GAS2: variants seen among roughly 807,000 people sequenced by gnomAD.
GAS2 encodes growth arrest specific 2.
GAS2 carries 20 observed loss-of-function variants against 37.5 expected under a neutral mutation model. The observed-to-expected ratio is 0.53, with a 90% confidence interval of 0.37 to 0.77. The LOEUF (loss-of-function observed/expected upper bound fraction) is 0.77, where lower values mean the gene tolerates loss of function less well. GAS2 is among the 30% of genes least tolerant of loss of function. The pLI, the probability that GAS2 is intolerant of heterozygous loss-of-function variation, is 0.00. For synonymous variants in GAS2, 144 were observed against 132.2 expected (o/e 1.09, Z -0.61); for missense variants, 336 against 373.4 (o/e 0.90, Z 0.82).
chr11:22,653,005 T>TTG (rs71445430), intron 1 of GAS2, among the ~76,000 whole-genome samples: 110 of 86,476 alleles, frequency 1.3e-3, no homozygotes, highest in African/African-American at 2.2e-3. Context: ...CTTTCTTTCT[T>TTG]TCTTTCTTTC....
At position 22,696,684 on chromosome 11, in the gene GAS2, T is replaced by C. The variant is rs1200996062; in HGVS notation, c.267+10895T>C. Among the ~76,000 whole-genome samples the C allele has an allele frequency of 1.5e-4, 23 of 150,894 alleles. No individual in the cohort carries two copies. The East Asian group carries it at 4.5e-3, about 29-fold the overall frequency. Reference sequence around the variant, plus strand: ...ATTGTGGTTTTGATTTGCATTTCTCTGATGGCCAGTGATGATGAGCATTTT... The same window carrying C: ...ATTGTGGTTTTGATTTGCATTTCTCCGATGGCCAGTGATGATGAGCATTTT... On this transcript the variant is annotated intron_variant, in intron 3 of 7. Transcript: ENST00000454584.
chr11:22,734,609 A>AT (rs1852653410), intron 4 of GAS2, among the ~76,000 whole-genome samples: 2 of 151,718 alleles, frequency 1.3e-5, no homozygotes, highest in Admixed American at 1.3e-4. Context: ...AAAAGAAAAA[A>AT]ATATAAAACT....
intron 1 of GAS2, among the ~76,000 whole-genome samples, chr11:22,653,050 T>TTTCTTTCTTTCTC: frequency 9.8e-6 from 1 of 102,378 alleles, no homozygotes; most frequent in Non-Finnish European, 2.2e-5. Flanking sequence ...TCTTTCTTTC[T>TTTCTTTCTTTCTC]TTGCTTTCTT....
chr11:22,808,837 T>A (rs1266469277), intron 7 of GAS2, among the ~76,000 whole-genome samples: 1 of 152,228 alleles, frequency 6.6e-6, no homozygotes, highest in Non-Finnish European at 1.5e-5. Context: ...TTTGTCCCAG[T>A]GACTTCAAAT....
At chr11:22,807,722 A>C (rs568372393) in intron 7 of GAS2, among the ~76,000 whole-genome samples, 1 of 152,300 alleles carries the variant, frequency 6.6e-6, no homozygotes, top group South Asian at 2.1e-4. Context: ...TCAGTCCCAA[A>C]TCCATCTCAA....
intron 1 of GAS2, among the ~76,000 whole-genome samples, chr11:22,658,080 C>CAGTG (rs1367698223): frequency 6.6e-6 from 1 of 150,814 alleles, no homozygotes; most frequent in Non-Finnish European, 1.5e-5. Context: ...GCCTGGAGTG[C>CAGTG]AGTGACACGA....
intron 3 of GAS2, among the ~76,000 whole-genome samples, chr11:22,701,432 T>G (rs942097786): frequency 2.0e-5 from 3 of 152,136 alleles, no homozygotes; most frequent in Admixed American, 1.3e-4. Flanking sequence ...AAGGGTGTGA[T>G]TTAAATGAAG....
intron 1 of GAS2, among the ~76,000 whole-genome samples, chr11:22,671,400 G>T (rs1408035103): frequency 2.6e-5 from 4 of 151,944 alleles, no homozygotes; most frequent in African/African-American, 9.7e-5. Context: ...AAAGTGATTG[G>T]CTTTGTTTAA....
chr11:22,769,455 G>A (rs925307404), intron 7 of GAS2, among the ~76,000 whole-genome samples: 9 of 152,234 alleles, frequency 5.9e-5, no homozygotes, highest in Non-Finnish European at 1.3e-4. Flanking sequence ...CCAGTGACAT[G>A]AACAGGCTTT....
At chr11:22,673,420 C>T (rs929966345) in intron 1 of GAS2, among the ~76,000 whole-genome samples, 1 of 152,190 alleles carries the variant, frequency 6.6e-6, no homozygotes, top group Non-Finnish European at 1.5e-5. Flanking sequence ...CTCATGATAT[C>T]ATATAAACAT....
chr11:22,626,498 T>C (rs1858655953), intron 1 of GAS2: 2 of 153,382 alleles, frequency 1.3e-5, no homozygotes, highest in Non-Finnish European at 2.9e-5. Context: ...ATACAAATAA[T>C]CAGCTGAAGG....
At chr11:22,653,387 G>T (rs369933066) in intron 1 of GAS2, among the ~76,000 whole-genome samples, 2 of 152,176 alleles carry the variant, frequency 1.3e-5, no homozygotes, top group South Asian at 2.1e-4. Flanking sequence ...TGTTTGCCAG[G>T]CACCTAGCGC....
At chr11:22,749,007 G>A in intron 5 of GAS2, 113 bp from the exon 6 acceptor site, 1 of 1,081,912 alleles carries the variant, frequency 9.2e-7, no homozygotes, top group Non-Finnish European at 1.3e-6. Flanking sequence ...AAAAGTGAAT[G>A]TTATTTTTAA....
At chr11:22,634,611 G>A (rs946224420) in intron 1 of GAS2, among the ~76,000 whole-genome samples, 1 of 152,118 alleles carries the variant, frequency 6.6e-6, no homozygotes, top group Non-Finnish European at 1.5e-5. Context: ...CTAGGAGGAG[G>A]GATCCCTGAG....
chr11:22,747,892 A>G (rs1853497683), intron 5 of GAS2, among the ~76,000 whole-genome samples: 1 of 152,180 alleles, frequency 6.6e-6, no homozygotes, highest in Non-Finnish European at 1.5e-5. Context: ...ACAAAACATC[A>G]AGAATAGGGA....
At position 22,693,919 on chromosome 11, in the gene GAS2, C is replaced by A. The variant is rs186487398; in HGVS notation, c.267+8130C>A. Among the ~76,000 whole-genome samples, 458 of 152,108 alleles carry A rather than the reference C, an allele frequency of 3.0e-3. 4 individuals carry two copies. The highest frequency in any genetic ancestry group is 0.011 in the African/African-American group (436 of 41,508). On this transcript the variant is annotated intron_variant, in intron 3 of 7. Coordinates refer to ENST00000454584, the MANE Select transcript of GAS2 (RefSeq NM_001143830.3). ...TTGCTCTTTTTGTTATACAAAGAAA[C>A]CCAAATACTGCATGTTCTCACTTAT...
intron 7 of GAS2, among the ~76,000 whole-genome samples, chr11:22,789,653 G>A (rs1348836980): frequency 6.7e-6 from 1 of 149,866 alleles, no homozygotes; most frequent in African/African-American, 2.5e-5. Context: ...TTTTAGTAGA[G>A]ACGGGGTTTC....
intron 3 of GAS2, among the ~76,000 whole-genome samples, chr11:22,692,375 G>C (rs1850288209): frequency 2.0e-5 from 3 of 152,168 alleles, no homozygotes; most frequent in African/African-American, 7.2e-5. Context: ...ACAGCCTCAG[G>C]CAGTCCTGAT....
intron 3 of GAS2, among the ~76,000 whole-genome samples, chr11:22,717,889 A>G (rs1241068686): frequency 1.3e-5 from 2 of 152,216 alleles, no homozygotes; most frequent in Admixed American, 6.5e-5. Flanking sequence ...ATCACTAATT[A>G]TCAGGGAAAT....
Sources: allele counts gnomAD v4.1 joint callset (sites outside exome capture counted in the v4.1 genomes callset), GRCh38; gene constraint gnomAD v4.1.1; transcripts MANE v1.5; gene names NCBI Gene and HGNC (gene_info 2026-07-23, HGNC 2026-07-21).